ADAMTS19: variants seen among roughly 807,000 people sequenced by gnomAD.
The protein encoded by ADAMTS19 is ADAM metallopeptidase with thrombospondin type 1 motif 19.
In ADAMTS19, 93 loss-of-function variants were observed where a neutral mutation model predicts 153.3. The ratio of observed to expected loss-of-function variants is 0.61; its 90% CI spans 0.51 to 0.72. The LOEUF is 0.72. Ranked by LOEUF, ADAMTS19 falls within the 30% of genes least tolerant of loss-of-function variation. The pLI is 0.00. For synonymous variants in ADAMTS19, 600 were observed against 556.6 expected (o/e 1.08, Z -1.10); for missense variants, 1,482 against 1,552.1 (o/e 0.95, Z 0.76).
chr5:129,615,276 TA>T (rs1751457929), intron 8 of ADAMTS19, among the ~76,000 whole-genome samples: 1 of 152,018 alleles, frequency 6.6e-6, no homozygotes, highest in South Asian at 2.1e-4. Flanking sequence ...GGAAAGGAAC[TA>T]TACAAAAGGT....
intron 2 of ADAMTS19, among the ~76,000 whole-genome samples, chr5:129,497,385 A>G (rs1001532657): frequency 1.3e-5 from 2 of 151,976 alleles, no homozygotes; most frequent in African/African-American, 4.8e-5. Flanking sequence ...GAATAATATC[A>G]TTCAGTCTTA....
At chr5:129,644,497 A>G (rs1196494525) in intron 11 of ADAMTS19, among the ~76,000 whole-genome samples, 4 of 152,236 alleles carry the variant, frequency 2.6e-5, no homozygotes, top group Non-Finnish European at 5.9e-5. Flanking sequence ...ATATAATTAC[A>G]TCTGAGAAGG....
At chr5:129,628,040 T>C (rs1219404779) in intron 10 of ADAMTS19, among the ~76,000 whole-genome samples, 1 of 152,000 alleles carries the variant, frequency 6.6e-6, no homozygotes, top group Non-Finnish European at 1.5e-5. Flanking sequence ...AGCAAAGACA[T>C]AGAATTAACC....
chr5:129,712,221 A>G (rs1581252569), intron 21 of ADAMTS19, among the ~76,000 whole-genome samples: 1 of 152,346 alleles, frequency 6.6e-6, no homozygotes, highest in East Asian at 1.9e-4. Context: ...ATCCCCTAAA[A>G]TAGAAAACTA....
intron 3 of ADAMTS19, among the ~76,000 whole-genome samples, chr5:129,522,764 C>A (rs1345462743): frequency 6.6e-6 from 1 of 151,786 alleles, no homozygotes; most frequent in African/African-American, 2.4e-5. Flanking sequence ...CTCAAGAATC[C>A]AAGAGATAAG....
intron 3 of ADAMTS19, 70 bp from the exon 4 acceptor site, chr5:129,526,214 T>C (rs1752001747): frequency 1.5e-6 from 2 of 1,327,880 alleles, no homozygotes; most frequent in East Asian, 5.5e-5. Context: ...TTGCTCATTA[T>C]TAAATATGTT....
At chr5:129,694,927 A>G in intron 19 of ADAMTS19, 72 bp downstream of exon 19, 2 of 1,327,306 alleles carry the variant, frequency 1.5e-6, no homozygotes, top group Non-Finnish European at 2.0e-6. Context: ...CATGCTCAGA[A>G]TATCATTGAA....
chr5:129,552,765 A>G (rs116068614), intron 7 of ADAMTS19, among the ~76,000 whole-genome samples: 9 of 152,040 alleles, frequency 5.9e-5, no homozygotes, highest in Non-Finnish European at 1.3e-4. Context: ...TTAAAAGATA[A>G]TTCTAACTAG....
At chr5:129,469,615 T>C (rs1455862459) in intron 2 of ADAMTS19, among the ~76,000 whole-genome samples, 1 of 152,202 alleles carries the variant, frequency 6.6e-6, no homozygotes, top group Non-Finnish European at 1.5e-5. Context: ...CTTAGAACTC[T>C]CTAGATATTC....
rs1751811995 is a variant in ADAMTS19, at chr5:129,622,273, A to G, written c.1695A>G (p.Pro565=). 2 of 1,614,150 alleles carry G rather than the reference A, an allele frequency of 1.2e-6. No homozygotes were observed. Among genetic ancestry groups the G allele is most frequent in the Non-Finnish European group, 1.7e-6 (2 of 1,180,022 alleles). The change falls in exon 10 of 23, where the codon CCA becomes CCG. Residue 565 remains proline, a synonymous_variant. Coordinates refer to ENST00000274487, the MANE Select transcript of ADAMTS19 (RefSeq NM_133638.6). ...CTGTGATGGTTCCCTCCAAGCTGCCAGGGATGACATACACTGCTGATGAAC... is the reference window on the plus strand; with the variant it reads ...CTGTGATGGTTCCCTCCAAGCTGCCGGGGATGACATACACTGCTGATGAAC... The part of the protein sequence containing the change: ...VNSVMVPSKL[P]GMTYTADEQC...
chr5:129,666,197 T>G, intron 16 of ADAMTS19, among the ~76,000 whole-genome samples: 1 of 151,966 alleles, frequency 6.6e-6, no homozygotes, highest in Non-Finnish European at 1.5e-5. Flanking sequence ...TTAGGTCAAT[T>G]CATGATTTTA....
chr5:129,668,029 C>T (rs986700449), intron 16 of ADAMTS19, among the ~76,000 whole-genome samples: 2 of 152,130 alleles, frequency 1.3e-5, no homozygotes, highest in African/African-American at 4.8e-5. Flanking sequence ...ATCAGTTTCA[C>T]TGGGCCAAAA....
rs1387688972 is a variant in ADAMTS19 at position 129,548,374 on chromosome 5, A to G, written c.1329-3490A>G. ...ATCAAAAAGTGGGTGAAGGATATGA[A>G]CAGACACTTCTCAAAAGAAGACATT... On this transcript the variant is annotated intron_variant, in intron 6 of 22. Transcript: ENST00000274487. Among the ~76,000 whole-genome samples, 3 of 151,432 alleles carry G rather than the reference A, an allele frequency of 2.0e-5. 1 individual carries two copies. Among genetic ancestry groups the G allele is most frequent in the Admixed American group, 6.6e-5 (1 of 15,256 alleles).
At chr5:129,702,951 T>G (rs1390032962) in intron 20 of ADAMTS19, among the ~76,000 whole-genome samples, 3 of 116,602 alleles carry the variant, frequency 2.6e-5, no homozygotes, top group South Asian at 4.9e-4. Flanking sequence ...AATATATATA[T>G]ATATATATAT....
rs748135822 is a variant in ADAMTS19 at position 129,658,672 on chromosome 5, T to C, written c.2360T>C (p.Val787Ala). Residue 787 changes from valine to alanine, a missense_variant, in exon 15 of 23, where the codon GTA (valine) becomes GCA (alanine). Coordinates refer to ENST00000274487, the MANE Select transcript of ADAMTS19 (RefSeq NM_133638.6). ...GSLAREDHCG[V>A]CNGNGKSCKI... Reference sequence around the variant, plus strand: ...CTTGCAAGAGAAGATCATTGTGGTGTATGCAATGGCAATGGAAAATCATGC... The same window carrying C: ...CTTGCAAGAGAAGATCATTGTGGTGCATGCAATGGCAATGGAAAATCATGC... 4 of 1,613,456 alleles carry C rather than the reference T, an allele frequency of 2.5e-6. 1 individual carries two copies. In the South Asian group the frequency reaches 3.3e-5, roughly 13 times the overall value.
At chr5:129,697,845 T>C (rs549911909) in intron 19 of ADAMTS19, among the ~76,000 whole-genome samples, 105 of 152,380 alleles carry the variant, frequency 6.9e-4, no homozygotes, top group African/African-American at 2.4e-3. Flanking sequence ...TGTTAAATAA[T>C]GTTAAAATAC....
Position 129,548,166 on chromosome 5 carries a change from T to C in ADAMTS19, c.1329-3698T>C, listed in dbSNP as rs948281559. Among the ~76,000 whole-genome samples, 395 of 150,270 alleles carry C rather than the reference T, an allele frequency of 2.6e-3. 28 individuals carry two copies. Among genetic ancestry groups the C allele is most frequent in the African/African-American group, 8.8e-3 (353 of 39,912 alleles). On this transcript the variant is annotated intron_variant, in intron 6 of 22. Transcript: ENST00000274487. ...AAAGCAATGGCAACAAAAGCCAAAA[T>C]TGACAAATGGGATCTAATTAAACTA... is the stretch of plus-strand genomic sequence containing the variant.
intron 3 of ADAMTS19, among the ~76,000 whole-genome samples, chr5:129,523,870 T>C (rs956264865): frequency 6.6e-6 from 1 of 152,126 alleles, no homozygotes; most frequent in Non-Finnish European, 1.5e-5. Context: ...ATCGATATTG[T>C]GAAAATGGCC....
chr5:129,658,367 A>AAGAG (rs1173424372), intron 14 of ADAMTS19, among the ~76,000 whole-genome samples: 28 of 127,934 alleles, frequency 2.2e-4, no homozygotes, highest in East Asian at 4.4e-4. Flanking sequence ...GAAAGAAAGA[A>AAGAG]AGAGAGAGAG....
Sources: gnomAD v4.1 joint callset for allele counts (sites outside exome capture counted in the v4.1 genomes callset) on GRCh38, gnomAD v4.1.1 for gene constraint, MANE v1.5 for transcripts, NCBI Gene and HGNC (gene_info 2026-07-23, HGNC 2026-07-21) for gene names.